GCM1: variants seen among roughly 807,000 people sequenced by gnomAD.
GCM1 encodes chorion-specific transcription factor GCMa.
Under a neutral mutation model 25.7 loss-of-function variants are expected in GCM1, and 2 were observed. The observed-to-expected ratio is 0.08, with a 90% CI of 0.03 to 0.24. The LOEUF (loss-of-function observed/expected upper bound fraction) is 0.24, where lower values mean the gene tolerates loss of function less well. Ranked by LOEUF, GCM1 falls within the 10% of genes least tolerant of loss-of-function variation. The pLI, the probability that GCM1 is intolerant of heterozygous loss-of-function variation, is 1.00. For synonymous variants in GCM1, 183 were observed against 195.7 expected (o/e 0.94, Z 0.54); for missense variants, 395 against 538.7 (o/e 0.73, Z 2.64).
intron 2 of GCM1, among the ~76,000 whole-genome samples, chr6:53,141,437 C>T (rs975669834): frequency 6.6e-6 from 1 of 152,046 alleles, no homozygotes; most frequent in African/African-American, 2.4e-5. Flanking sequence ...CCTGTAATCC[C>T]AGCACTTTGG....
rs367761617 is a variant in GCM1 at position 53,128,720 on chromosome 6, C to T, written c.797G>A (p.Arg266His). 107 of 1,613,936 alleles carry T rather than the reference C, an allele frequency of 6.6e-5. No homozygotes were observed. Among genetic ancestry groups the T allele is most frequent in the Non-Finnish European group, 8.1e-5 (95 of 1,179,918 alleles). Residue 266 changes from arginine (R) to histidine (H), a missense_variant, in exon 6 of 6, where the codon CGC becomes CAC. Physicochemically the swap from Arg to His is conservative, Grantham distance 29. Transcript: ENST00000259803. ...GTAGGTTCTGCTACTGGACAATTTGCGCTTTTCATAGAGCTTCATGGGGTC... is the reference window on the plus strand; with the variant it reads ...GTAGGTTCTGCTACTGGACAATTTGTGCTTTTCATAGAGCTTCATGGGGTC... Reference protein sequence around the residue: ...TVDPMKLYEKRKLSSSRTYSS... With the variant: ...TVDPMKLYEKHKLSSSRTYSS...
At chr6:53,144,914 C>CAAA (rs11286993) in intron 2 of GCM1, among the ~76,000 whole-genome samples, 4 of 70,726 alleles carry the variant, frequency 5.7e-5, no homozygotes, top group Admixed American at 1.8e-4. Flanking sequence ...GACCCTACCT[C>CAAA]AAAAAAAAAA....
chr6:53,127,624 A>G lies in GCM1; in HGVS notation c.*582T>C, dbSNP rs1581847072. 1 of 152,242 alleles carries G rather than the reference A, an allele frequency of 6.6e-6. No homozygotes were observed. The highest frequency in any genetic ancestry group is 2.4e-5 in the African/African-American group (1 of 41,446). The allele number at this position is 152,242 out of a possible 1,614,324, so 9.4% of individuals were successfully genotyped here. On this transcript the variant is annotated 3_prime_UTR_variant, in exon 6 of 6. Transcript: ENST00000259803. ...CTGGGAACCCCAAACAATGTGGGGGAAAAAGCAGAGGGCACTTCACACCCC... is the reference window on the plus strand; with the variant it reads ...CTGGGAACCCCAAACAATGTGGGGGGAAAAGCAGAGGGCACTTCACACCCC...
At chr6:53,146,213 TATA>T (rs1394060094) in intron 1 of GCM1, among the ~76,000 whole-genome samples, 9 of 55,774 alleles carry the variant, frequency 1.6e-4, no homozygotes, top group African/African-American at 4.4e-4. Flanking sequence ...TATATATATA[TATA>T]TTTTTTTTTT....
chr6:53,130,957 G>A, intron 4 of GCM1, 26 bp from the exon 5 acceptor site: 1 of 1,603,064 alleles, frequency 6.2e-7, no homozygotes, highest in Non-Finnish European at 8.5e-7. Flanking sequence ...GAAGTAGAAA[G>A]GAAATGATAT....
At chr6:53,139,975 C>T (rs993061749) in intron 2 of GCM1, among the ~76,000 whole-genome samples, 10 of 152,148 alleles carry the variant, frequency 6.6e-5, no homozygotes, top group Non-Finnish European at 1.3e-4. Flanking sequence ...CTTCTCTTTT[C>T]GCTTCCCTTT....
intron 5 of GCM1, 121 bp downstream of exon 5, chr6:53,130,660 TAGCAGATGCTTGTTTGTAGATG>T: frequency 1.7e-6 from 1 of 604,712 alleles, no homozygotes; most frequent in Admixed American, 3.3e-5. Flanking sequence ...TTAATTTCTT[TAGCAGATGCTTGTTTGTAGATG>T]AGCCTGATAA....
intron 5 of GCM1, among the ~76,000 whole-genome samples, chr6:53,129,937 A>G (rs1013702813): frequency 6.6e-6 from 1 of 152,206 alleles, no homozygotes; most frequent in Non-Finnish European, 1.5e-5. Flanking sequence ...GCTCTTGTTT[A>G]GGTAAAACTA....
In GCM1 at chr6:53,128,881, G is replaced by A. The variant is rs772628092; in HGVS notation, c.636C>T (p.Val212=). Residue 212 remains valine, a synonymous_variant, in exon 6 of 6, where the codon GTC becomes GTT. Transcript: ENST00000259803. ...LPLTWSFQEG[V]QLPGSYSGHL... Reference sequence around the variant, plus strand: ...GTCCACTGTAACTACCAGGCAATTGGACGCCTTCCTGGAAAGACCAAGTTA... The same window carrying A: ...GTCCACTGTAACTACCAGGCAATTGAACGCCTTCCTGGAAAGACCAAGTTA... 6.8e-6 allele frequency: 11 copies of A among 1,611,732 alleles called. No individual in the cohort carries two copies. The highest frequency in any genetic ancestry group is 1.7e-4 in the Middle Eastern group (1 of 6,044).
At chr6:53,144,489 T>C (rs1281737559) in intron 2 of GCM1, among the ~76,000 whole-genome samples, 2 of 151,232 alleles carry the variant, frequency 1.3e-5, no homozygotes, top group Non-Finnish European at 2.9e-5. Flanking sequence ...AGTGCATGTA[T>C]GGTATTTCCA....
Position 53,134,106 on chromosome 6 carries a change from A to G in GCM1, c.294T>C (p.Pro98=). 6.2e-7 allele frequency: 1 copy of G among 1,614,076 alleles called. No individual in the cohort carries two copies. The highest frequency in any genetic ancestry group is 1.1e-5 in the South Asian group (1 of 91,080). The change falls in exon 3 of 6, where the codon CCT becomes CCC. Residue 98 remains proline (P), a synonymous_variant. Transcript: ENST00000259803. ...AEEGRKIYLR[P]AICDKARQKQ... ...TCTGCCGGGCCTTGTCACAGATGGC[A>G]GGTCTCAGGTAGATCTTGCGCCCCT...
rs1395557470 is a variant in GCM1 at position 53,127,491 on chromosome 6, C to A, written c.*715G>T. The stretch of plus-strand genomic sequence containing the variant: ...TATTTCTGTTTCTTCATTCTCAGTT[C>A]CCAAGAAGGCATAGATCAGGTCCTA... On this transcript the variant is annotated 3_prime_UTR_variant, in exon 6 of 6. Coordinates refer to ENST00000259803, the MANE Select transcript of GCM1 (RefSeq NM_003643.4). The A allele has an allele frequency of 1.3e-5, 2 of 152,168 alleles. No homozygotes were observed. Among genetic ancestry groups the A allele is most frequent in the African/African-American group, 4.8e-5 (2 of 41,424 alleles). The allele number at this position is 152,168 out of a possible 1,614,324, so 9.4% of individuals were successfully genotyped here.
chr6:53,133,488 G>A (rs757402221), intron 3 of GCM1, among the ~76,000 whole-genome samples: 4 of 151,482 alleles, frequency 2.6e-5, no homozygotes, highest in South Asian at 2.1e-4. Context: ...CACAGTGCCC[G>A]GCCATTTTTC....
chr6:53,131,452 C>T (rs555354171), intron 4 of GCM1, among the ~76,000 whole-genome samples: 37 of 152,284 alleles, frequency 2.4e-4, no homozygotes, highest in African/African-American at 8.2e-4. Flanking sequence ...AAATCAGCCA[C>T]GGTGAGAATA....
chr6:53,139,513 A>C (rs1465349544), intron 2 of GCM1, among the ~76,000 whole-genome samples: 1 of 151,180 alleles, frequency 6.6e-6, no homozygotes, highest in African/African-American at 2.4e-5. Context: ...AAAAAAAAAA[A>C]AAAGGGGGAA....
At chr6:53,132,155 T>C in intron 3 of GCM1, 36 bp from the exon 4 acceptor site, 1 of 1,313,692 alleles carries the variant, frequency 7.6e-7, no homozygotes, top group African/African-American at 1.4e-5. Context: ...CACACCTGGC[T>C]GAACCATGTC....
intron 5 of GCM1, 146 bp from the exon 6 acceptor site, chr6:53,129,092 T>C (rs1581848225): frequency 1.6e-6 from 1 of 642,194 alleles, no homozygotes; most frequent in East Asian, 2.6e-5. Context: ...CACAAACACA[T>C]GCAGCGGCTT....
chr6:53,130,977 T>C (rs1763716638), intron 4 of GCM1, 46 bp from the exon 5 acceptor site: 1 of 1,546,252 alleles, frequency 6.5e-7, no homozygotes, highest in South Asian at 1.1e-5. Context: ...TAACACTAAC[T>C]AGACTGTGTT....
In GCM1 at chr6:53,128,652, A is replaced by C; in HGVS notation, c.865T>G (p.Ser289Ala). 1 of 1,613,974 alleles carries C rather than the reference A, an allele frequency of 6.2e-7. No homozygotes were observed. The highest frequency in any genetic ancestry group is 8.5e-7 in the Non-Finnish European group (1 of 1,179,834). ...LLPPSASGVY[S>A]DHGDLQAWSK... ...CACGCTTGTAGATCGCCATGATCAG[A>C]GTAGACTCCGGAGGCAGAAGGAGGA... The change falls in exon 6 of 6, where the codon TCT becomes GCT. Residue 289 changes from serine (S) to alanine (A), a missense_variant. This residue lies in a region of GCM1 where 291 missense variants were observed against 314.6 expected (regional missense o/e 0.92). Transcript: ENST00000259803.
Sources: allele counts gnomAD v4.1 joint callset (sites outside exome capture counted in the v4.1 genomes callset), GRCh38; gene constraint gnomAD v4.1.1; regional missense constraint gnomAD v4.1.1; transcripts MANE v1.5; gene names NCBI Gene and HGNC (gene_info 2026-07-23, HGNC 2026-07-21).